AKAP19: variants seen among roughly 807,000 people sequenced by gnomAD.
The protein encoded by AKAP19 is A-kinase anchoring protein 19.
the AKAP19 span, among the ~76,000 whole-genome samples, chr2:190,049,694 A>G: frequency 6.6e-6 from 1 of 152,236 alleles, no homozygotes; most frequent in Non-Finnish European, 1.5e-5. Flanking sequence ...TAAGCTACCT[A>G]TCATTCTCTA....
chr2:190,040,481 G>T, the AKAP19 span, among the ~76,000 whole-genome samples: 1 of 152,138 alleles, frequency 6.6e-6, no homozygotes, highest in Non-Finnish European at 1.5e-5. Context: ...TGTTTACTTT[G>T]TTGGTAGTTT....
the AKAP19 span, among the ~76,000 whole-genome samples, chr2:190,106,934 G>A: frequency 8.5e-5 from 13 of 152,176 alleles, no homozygotes; most frequent in Non-Finnish European, 1.5e-4. Context: ...CAACTGAGGA[G>A]ATTCTATTCC....
the AKAP19 span, among the ~76,000 whole-genome samples, chr2:190,014,288 A>C: frequency 6.6e-6 from 1 of 152,194 alleles, no homozygotes; most frequent in African/African-American, 2.4e-5. Flanking sequence ...ATGGCAGGGG[A>C]GACCTCAGGA....
the AKAP19 span, among the ~76,000 whole-genome samples, chr2:189,962,534 G>A: frequency 5.7e-3 from 865 of 152,222 alleles, 8 homozygotes; most frequent in East Asian, 0.026. Context: ...AACAGATAAC[G>A]TGAGTTCTCC....
chr2:189,953,037 A>G, the AKAP19 span, among the ~76,000 whole-genome samples: 1 of 152,170 alleles, frequency 6.6e-6, no homozygotes, highest in Non-Finnish European at 1.5e-5. Context: ...TATCTATGCC[A>G]GTTGTAGGGA....
the AKAP19 span, among the ~76,000 whole-genome samples, chr2:190,175,435 T>C: frequency 6.6e-6 from 1 of 152,224 alleles, no homozygotes; most frequent in Non-Finnish European, 1.5e-5. Context: ...GATTATACAT[T>C]ACACGGTCAG....
chr2:190,199,921 C>T, the AKAP19 span: 1 of 1,614,054 alleles, frequency 6.2e-7, no homozygotes, highest in South Asian at 1.1e-5. Flanking sequence ...AGGTGAGAAG[C>T]AGCATGAGAG....
the AKAP19 span, among the ~76,000 whole-genome samples, chr2:189,926,940 G>A: frequency 6.6e-6 from 1 of 152,052 alleles, no homozygotes; most frequent in Non-Finnish European, 1.5e-5. Context: ...CTGGAGTCCA[G>A]TGGTGTGATC....
chr2:190,053,126 A>T, the AKAP19 span, among the ~76,000 whole-genome samples: 1 of 152,212 alleles, frequency 6.6e-6, no homozygotes, highest in Non-Finnish European at 1.5e-5. Flanking sequence ...GTCTTGCATC[A>T]TTGCCAAACT....
the AKAP19 span, among the ~76,000 whole-genome samples, chr2:189,985,064 G>A: frequency 6.6e-6 from 1 of 152,210 alleles, no homozygotes; most frequent in East Asian, 1.9e-4. Flanking sequence ...CTCCCCAACA[G>A]TTTGGCAGTT....
the AKAP19 span, among the ~76,000 whole-genome samples, chr2:190,127,718 A>G: frequency 6.6e-6 from 1 of 152,156 alleles, no homozygotes; most frequent in Admixed American, 6.5e-5. Context: ...TTATATTTTT[A>G]TAAACTTATA....
the AKAP19 span, among the ~76,000 whole-genome samples, chr2:190,050,494 A>G: frequency 6.6e-6 from 1 of 152,216 alleles, no homozygotes; most frequent in Non-Finnish European, 1.5e-5. Flanking sequence ...ACGCTTACTA[A>G]TAACACTAGA....
At chr2:190,091,393 A>T in the AKAP19 span, among the ~76,000 whole-genome samples, 1 of 152,206 alleles carries the variant, frequency 6.6e-6, no homozygotes, top group Non-Finnish European at 1.5e-5. Context: ...TAACACTAGG[A>T]TACTTTGATA....
chr2:190,108,830 A>G, the AKAP19 span, among the ~76,000 whole-genome samples: 1 of 146,532 alleles, frequency 6.8e-6, no homozygotes, highest in Admixed American at 7.0e-5. Flanking sequence ...GTAAAATTCC[A>G]TAAAGGCCTC....
the AKAP19 span, among the ~76,000 whole-genome samples, chr2:189,886,293 T>G: frequency 6.6e-6 from 1 of 152,142 alleles, no homozygotes; most frequent in South Asian, 2.1e-4. Flanking sequence ...TAATATACTT[T>G]ATTGAACATT....
chr2:190,092,889 T>A, the AKAP19 span, among the ~76,000 whole-genome samples: 1 of 152,216 alleles, frequency 6.6e-6, no homozygotes. Flanking sequence ...TTCTACTGAC[T>A]AATTCTAAAC....
At chr2:189,979,024 C>G in the AKAP19 span, among the ~76,000 whole-genome samples, 2 of 151,680 alleles carry the variant, frequency 1.3e-5, no homozygotes, top group African/African-American at 4.8e-5. Context: ...TCTATAGATT[C>G]AATGTCATTC....
the AKAP19 span, chr2:190,062,491 C>G: frequency 1.2e-6 from 2 of 1,613,558 alleles, no homozygotes; most frequent in Admixed American, 1.7e-5. Context: ...CACAGCCCCT[C>G]TTTTTCCACA....
At chr2:190,194,671 T>A in the AKAP19 span, among the ~76,000 whole-genome samples, 7 of 152,324 alleles carry the variant, frequency 4.6e-5, no homozygotes, top group African/African-American at 1.4e-4. Context: ...CCTTAAAAAT[T>A]GTCTGTTCCA....
Sources: allele counts gnomAD v4.1 joint callset (sites outside exome capture counted in the v4.1 genomes callset), GRCh38; gene constraint gnomAD v4.1.1; transcripts MANE v1.5; gene names NCBI Gene and HGNC (gene_info 2026-07-23, HGNC 2026-07-21).